CYP7B1: variants seen among roughly 807,000 people sequenced by gnomAD.
CYP7B1 encodes cytochrome P450 family 7 subfamily B member 1, also known as cytochrome P450 7B1.
In CYP7B1, 29 loss-of-function variants were observed where a neutral mutation model predicts 42.7. The observed-to-expected ratio is 0.68, with a 90% CI of 0.51 to 0.93. The LOEUF is 0.93. CYP7B1 is among the 40% of genes least tolerant of loss of function. CYP7B1 has a pLI of 0.00. For missense variants in CYP7B1, 655 were observed against 600.5 expected (o/e 1.09, Z -0.95); for synonymous variants, 235 against 218.2 (o/e 1.08, Z -0.68).
In CYP7B1 at chr8:64,594,892, C is replaced by A. The variant is rs1211446286; in HGVS notation, c.*1750G>T. Among the ~76,000 whole-genome samples the A allele has an allele frequency of 6.6e-6, 1 of 152,090 alleles. No homozygotes were observed. Among genetic ancestry groups the A allele is most frequent in the Non-Finnish European group, 1.5e-5 (1 of 67,996 alleles). On this transcript the variant is annotated 3_prime_UTR_variant, in exon 6 of 6. Coordinates refer to ENST00000310193, the MANE Select transcript of CYP7B1 (RefSeq NM_004820.5). ...CACAGAGAGAATGGCTGAGAAGATT[C>A]CATACTTGATGGGAGACACCTGTGC...
rs1805946774 is a variant in CYP7B1 at position 64,645,909 on chromosome 8, C to T, written c.123-21370G>A. On this transcript the variant is annotated intron_variant, in intron 1 of 5. Coordinates refer to ENST00000310193, the MANE Select transcript of CYP7B1 (RefSeq NM_004820.5). ...AATAACGCTGCATATCTACAACTATCTGATCTTTGACAAACCTGAGGAAAA... is the reference window on the plus strand; with the variant it reads ...AATAACGCTGCATATCTACAACTATTTGATCTTTGACAAACCTGAGGAAAA... Among the ~76,000 whole-genome samples, 4 of 152,260 alleles carry T rather than the reference C, an allele frequency of 2.6e-5. No homozygotes were observed. The South Asian group carries it at 8.3e-4, about 32-fold the overall frequency.
chr8:64,710,837 A>T (rs1807069125), intron 1 of CYP7B1, among the ~76,000 whole-genome samples: 1 of 150,848 alleles, frequency 6.6e-6, no homozygotes, highest in Non-Finnish European at 1.5e-5. Flanking sequence ...ACCTTATAAA[A>T]ATAAATACCT....
At chr8:64,619,576 A>T (rs1805497284) in intron 2 of CYP7B1, among the ~76,000 whole-genome samples, 1 of 152,148 alleles carries the variant, frequency 6.6e-6, no homozygotes, top group South Asian at 2.1e-4. Flanking sequence ...CAAATTTTTG[A>T]TATCTTCCTT....
chr8:64,722,811 G>T (rs1350407505), intron 1 of CYP7B1, among the ~76,000 whole-genome samples: 3 of 136,194 alleles, frequency 2.2e-5, no homozygotes, highest in African/African-American at 8.0e-5. Context: ...ATTTGGTTTA[G>T]AAACATAAGG....
At chr8:64,618,672 T>C (rs1805484894) in intron 2 of CYP7B1, among the ~76,000 whole-genome samples, 1 of 151,902 alleles carries the variant, frequency 6.6e-6, no homozygotes, top group Non-Finnish European at 1.5e-5. Context: ...AATAAGGGTA[T>C]GGGAAAAAAC....
intron 1 of CYP7B1, among the ~76,000 whole-genome samples, chr8:64,636,348 C>T (rs966471427): frequency 1.3e-5 from 2 of 152,076 alleles, no homozygotes; most frequent in Admixed American, 1.3e-4. Context: ...AAAATGAATA[C>T]CCTATGGTAT....
chr8:64,656,025 A>T (rs1806115283), intron 1 of CYP7B1, among the ~76,000 whole-genome samples: 1 of 152,046 alleles, frequency 6.6e-6, no homozygotes, highest in African/African-American at 2.4e-5. Flanking sequence ...GGAGGGTGGG[A>T]GGAGGGAGAG....
intron 1 of CYP7B1, among the ~76,000 whole-genome samples, chr8:64,784,417 T>C (rs1011921322): frequency 1.3e-5 from 2 of 152,202 alleles, no homozygotes; most frequent in African/African-American, 4.8e-5. Context: ...CTTTTTGCCA[T>C]TTAATATTTA....
intron 1 of CYP7B1, among the ~76,000 whole-genome samples, chr8:64,743,128 A>G (rs1288073196): frequency 2.6e-5 from 4 of 152,212 alleles, no homozygotes; most frequent in Admixed American, 2.0e-4. Flanking sequence ...AGATTAGCCA[A>G]AAAACAAATA....
chr8:64,712,046 C>T (rs1424954175), intron 1 of CYP7B1, among the ~76,000 whole-genome samples: 1 of 152,078 alleles, frequency 6.6e-6, no homozygotes, highest in African/African-American at 2.4e-5. Flanking sequence ...GAACAGAGTG[C>T]CTAACACAGC....
intron 1 of CYP7B1, among the ~76,000 whole-genome samples, chr8:64,667,761 G>C (rs950507497): frequency 1.2e-4 from 19 of 152,078 alleles, no homozygotes; most frequent in Middle Eastern, 3.2e-3. Flanking sequence ...CTTGAAGCAG[G>C]ATGGGAAAGA....
At chr8:64,691,038 G>C (rs1806731872) in intron 1 of CYP7B1, among the ~76,000 whole-genome samples, 1 of 152,176 alleles carries the variant, frequency 6.6e-6, no homozygotes, top group Admixed American at 6.5e-5. Flanking sequence ...CCCGAGGTAG[G>C]CTTCCCAGGG....
At chr8:64,688,114 TC>T (rs1806683764) in intron 1 of CYP7B1, among the ~76,000 whole-genome samples, 1 of 152,214 alleles carries the variant, frequency 6.6e-6, no homozygotes. Context: ...TAAAACACTT[TC>T]TTGGACTCAA....
intron 1 of CYP7B1, among the ~76,000 whole-genome samples, chr8:64,714,567 G>A (rs1017172262): frequency 6.6e-6 from 1 of 152,178 alleles, no homozygotes; most frequent in African/African-American, 2.4e-5. Context: ...GCTGACACAT[G>A]TAGCCCTGCT....
chr8:64,687,001 C>T lies in CYP7B1; in HGVS notation c.123-62462G>A, dbSNP rs1318844055. ...GGGACACAAACACTGCGGAAGGCCG[C>T]AGGGTCCTCTGCCTAGGAAAACCAG... On this transcript the variant is annotated intron_variant, in intron 1 of 5. Coordinates refer to ENST00000310193, the MANE Select transcript of CYP7B1 (RefSeq NM_004820.5). Among the ~76,000 whole-genome samples the T allele has an allele frequency of 2.2e-5, 3 of 135,124 alleles. 1 individual carries two copies. Among genetic ancestry groups the T allele is most frequent in the African/African-American group, 8.5e-5 (3 of 35,256 alleles). The allele number at this position is 135,124 out of a possible 152,430, so 88.6% of individuals were successfully genotyped here.
chr8:64,787,153 G>C (rs768162654), intron 1 of CYP7B1, among the ~76,000 whole-genome samples: 1 of 152,258 alleles, frequency 6.6e-6, no homozygotes, highest in Non-Finnish European at 1.5e-5. Context: ...ACGCCCTGCA[G>C]ACATTTTCCC....
At chr8:64,669,419 C>A (rs963781652) in intron 1 of CYP7B1, among the ~76,000 whole-genome samples, 2 of 152,056 alleles carry the variant, frequency 1.3e-5, no homozygotes, top group Non-Finnish European at 2.9e-5. Flanking sequence ...TCATACCAAA[C>A]TACCAATAGA....
At chr8:64,775,437 A>C (rs764211315) in intron 1 of CYP7B1, among the ~76,000 whole-genome samples, 2 of 152,160 alleles carry the variant, frequency 1.3e-5, no homozygotes, top group Non-Finnish European at 2.9e-5. Flanking sequence ...AAAATAGTCC[A>C]CAGGCTTTGT....
chr8:64,682,718 C>G (rs1327736133), intron 1 of CYP7B1, among the ~76,000 whole-genome samples: 1 of 152,200 alleles, frequency 6.6e-6, no homozygotes, highest in Non-Finnish European at 1.5e-5. Flanking sequence ...GCTGTCCAGG[C>G]TAGTTGCAAC....
Sources: gnomAD v4.1 joint callset for allele counts (sites outside exome capture counted in the v4.1 genomes callset) on GRCh38, gnomAD v4.1.1 for gene constraint, MANE v1.5 for transcripts, NCBI Gene and HGNC (gene_info 2026-07-23, HGNC 2026-07-21) for gene names.